ITSN1: variants seen among roughly 807,000 people sequenced by gnomAD.
ITSN1 encodes intersectin-1.
Under a neutral mutation model 239.8 loss-of-function variants are expected in ITSN1, and 58 were observed. That is an observed-to-expected ratio of 0.24 (90% CI 0.20 to 0.30). The LOEUF is 0.30. Among genes scored for constraint, ITSN1 ranks in the 10% least tolerant of loss-of-function variants. The probability of loss-of-function intolerance (pLI) is 1.00; values close to 1 mark genes in which losing one functional copy is unlikely to be tolerated. For synonymous variants in ITSN1, 780 were observed against 770.8 expected (o/e 1.01, Z -0.20); for missense variants, 1,558 against 2,103.3 (o/e 0.74, Z 5.07).
chr21:33,762,361 G>C (rs1288441625), intron 9 of ITSN1, among the ~76,000 whole-genome samples: 1 of 151,722 alleles, frequency 6.6e-6, no homozygotes, highest in South Asian at 2.1e-4. Flanking sequence ...CCACCTCCCG[G>C]GTTCAAGCGA....
intron 1 of ITSN1, among the ~76,000 whole-genome samples, chr21:33,644,419 G>C (rs918942642): frequency 2.0e-5 from 3 of 151,980 alleles, no homozygotes; most frequent in Non-Finnish European, 4.4e-5. Flanking sequence ...CTGATAGTAT[G>C]ATCTTTTTTT....
intron 1 of ITSN1, among the ~76,000 whole-genome samples, chr21:33,710,024 A>T (rs977027763): frequency 6.7e-6 from 1 of 149,918 alleles, no homozygotes; most frequent in African/African-American, 2.5e-5. Flanking sequence ...TGGATCCCCT[A>T]TATCTGTTTG....
rs1276608195 is a variant in ITSN1 at position 33,811,231 on chromosome 21, T to TGGTG, written c.2567+12_2567+15dup. ...GCCGACTTCAGCTCCACGTACGTGTTGGTGGGCTCTTTCTGATGATTTTTG... is the reference window on the plus strand; with the variant it reads ...GCCGACTTCAGCTCCACGTACGTGTTGGTGGGTGGGCTCTTTCTGATGATTTTTG... On this transcript the variant is annotated intron_variant, in intron 21 of 39. Transcript: ENST00000381318. 1.3e-6 allele frequency: 2 copies of TGGTG among 1,557,472 alleles called. No individual in the cohort carries two copies. Among genetic ancestry groups the TGGTG allele is most frequent in the Non-Finnish European group, 1.7e-6 (2 of 1,154,060 alleles).
At chr21:33,747,265 A>G (rs1351729963) in intron 5 of ITSN1, among the ~76,000 whole-genome samples, 2 of 152,210 alleles carry the variant, frequency 1.3e-5, no homozygotes, top group Admixed American at 1.3e-4. Flanking sequence ...TTGAAGATTA[A>G]TCAATAGAAA....
chr21:33,818,656 T>C (rs1569245048), intron 23 of ITSN1, among the ~76,000 whole-genome samples, 184 bp downstream of exon 23: 1 of 152,258 alleles, frequency 6.6e-6, no homozygotes. Flanking sequence ...GTGCATTCTT[T>C]CTTCTCTCAT....
chr21:33,675,379 C>T (rs530879763), intron 1 of ITSN1, among the ~76,000 whole-genome samples: 6 of 151,872 alleles, frequency 4.0e-5, no homozygotes, highest in Middle Eastern at 3.2e-3. Flanking sequence ...CTAGCCAACA[C>T]GGTGAAACCC....
At position 33,885,425 on chromosome 21, in the gene ITSN1, TC is replaced by T; in HGVS notation, c.4760-12del. Reference sequence around the variant, plus strand: ...GTTCAAATGAAGCATTTTGTGTTTTTCCTGCCGTCATAGTCCGTTCCCAAAG... The same window carrying T: ...GTTCAAATGAAGCATTTTGTGTTTTTCTGCCGTCATAGTCCGTTCCCAAAG... On this transcript the variant is annotated splice_polypyrimidine_tract_variant and intron_variant, in intron 37 of 39. Coordinates refer to ENST00000381318, the MANE Select transcript of ITSN1 (RefSeq NM_003024.3). 1 of 1,613,226 alleles carries T rather than the reference TC, an allele frequency of 6.2e-7. No homozygotes were observed. The highest frequency in any genetic ancestry group is 2.2e-5 in the East Asian group (1 of 44,886).
intron 1 of ITSN1, 45 bp from the exon 2 acceptor site, chr21:33,718,752 G>T: frequency 8.1e-7 from 1 of 1,235,442 alleles, no homozygotes; most frequent in Admixed American, 1.7e-5. Flanking sequence ...TGATTATACA[G>T]GAATTAAGTT....
At chr21:33,772,444 C>A in intron 12 of ITSN1, 121 bp downstream of exon 12, 1 of 1,253,166 alleles carries the variant, frequency 8.0e-7, no homozygotes, top group South Asian at 1.5e-5. Flanking sequence ...TAGTATATTC[C>A]CAAAGTTGTG....
intron 11 of ITSN1, among the ~76,000 whole-genome samples, chr21:33,768,349 T>C (rs1343346952): frequency 6.6e-6 from 1 of 152,206 alleles, no homozygotes; most frequent in African/African-American, 2.4e-5. Context: ...TGGCGCAATC[T>C]AGGCTCACTG....
Position 33,819,568 on chromosome 21 carries a change from G to C in ITSN1, c.3016+245G>C, listed in dbSNP as rs141369278. ...ATTATAAGCCCTTTGACTTTTAAAAGAGACCCATTCAGTTCACTAAGAATC... is the reference window on the plus strand; with the variant it reads ...ATTATAAGCCCTTTGACTTTTAAAACAGACCCATTCAGTTCACTAAGAATC... On this transcript the variant is annotated intron_variant, in intron 24 of 39. Transcript: ENST00000381318. 2.0e-4 allele frequency among the ~76,000 whole-genome samples: 31 copies of C among 152,280 alleles called. No homozygotes were observed. In the East Asian group the frequency reaches 5.6e-3, roughly 27 times the overall value.
intron 29 of ITSN1, among the ~76,000 whole-genome samples, chr21:33,853,459 A>C (rs762199982): frequency 7.2e-5 from 11 of 152,200 alleles, no homozygotes; most frequent in Non-Finnish European, 1.5e-4. Context: ...TTTACCCTGA[A>C]CCTTCTGCTG....
chr21:33,830,600 A>G (rs1394951749), intron 27 of ITSN1, among the ~76,000 whole-genome samples: 2 of 152,112 alleles, frequency 1.3e-5, no homozygotes, highest in African/African-American at 4.8e-5. Context: ...AAGGGGGCTA[A>G]AGAGGCGTGA....
intron 1 of ITSN1, among the ~76,000 whole-genome samples, chr21:33,648,918 G>A (rs1345347928): frequency 6.6e-6 from 1 of 151,610 alleles, no homozygotes. Context: ...AGGAGAGAGA[G>A]AAAAATTAGC....
intron 30 of ITSN1, among the ~76,000 whole-genome samples, chr21:33,858,035 A>G (rs1602615730): frequency 2.0e-5 from 3 of 152,236 alleles, no homozygotes; most frequent in African/African-American, 7.2e-5. Flanking sequence ...ACGGGGTTCC[A>G]CTGAGATCTG....
At chr21:33,738,186 CAA>C (rs1293031927) in intron 5 of ITSN1, among the ~76,000 whole-genome samples, 1 of 151,798 alleles carries the variant, frequency 6.6e-6, no homozygotes, top group African/African-American at 2.4e-5. Context: ...GACCCTATCT[CAA>C]AAAACAAAAC....
chr21:33,800,335 C>T lies in ITSN1; in HGVS notation c.2304+406C>T, dbSNP rs997595184. ...TGTATGTATAATATATACTAGTGTG[C>T]GTGTGTGTATATATGTACACATATA... On this transcript the variant is annotated intron_variant, in intron 19 of 39. Coordinates refer to ENST00000381318, the MANE Select transcript of ITSN1 (RefSeq NM_003024.3). Among the ~76,000 whole-genome samples, 19 of 151,568 alleles carry T rather than the reference C, an allele frequency of 1.3e-4. No individual in the cohort carries two copies. In the East Asian group the frequency reaches 1.5e-3, roughly 12 times the overall value.
intron 27 of ITSN1, among the ~76,000 whole-genome samples, chr21:33,832,543 ACT>A (rs2074356668): frequency 6.6e-6 from 1 of 152,068 alleles, no homozygotes; most frequent in Middle Eastern, 3.4e-3. Context: ...CACCAGAGTG[ACT>A]CTCAGCGTGG....
chr21:33,735,593 A>G (rs1222490556), intron 5 of ITSN1: 10 of 228,522 alleles, frequency 4.4e-5, no homozygotes, highest in Non-Finnish European at 7.7e-5. Flanking sequence ...CCTTTGGATT[A>G]TGGCATCTAG....
Sources: allele counts gnomAD v4.1 joint callset (sites outside exome capture counted in the v4.1 genomes callset), GRCh38; gene constraint gnomAD v4.1.1; transcripts MANE v1.5; gene names NCBI Gene and HGNC (gene_info 2026-07-23, HGNC 2026-07-21).